The following SEMA3E variants were observed in gnomAD, a reference collection of about 807,000 sequenced individuals.
SEMA3E encodes the protein semaphorin 3E.
Under a neutral mutation model 93.6 loss-of-function variants are expected in SEMA3E, and 49 were observed. The observed-to-expected ratio is 0.52, with a 90% confidence interval of 0.42 to 0.66. SEMA3E has a LOEUF of 0.66. Among genes scored for constraint, SEMA3E ranks in the 30% least tolerant of loss-of-function variants. The probability of loss-of-function intolerance (pLI) is 0.00; values close to 1 mark genes in which losing one functional copy is unlikely to be tolerated. For synonymous variants in SEMA3E, 363 were observed against 330.7 expected, an observed-to-expected ratio of 1.10 and a Z score of -1.06; for missense variants, 906 against 964.8, an observed-to-expected ratio of 0.94 and a Z score of 0.81.
rs1462043890 is a variant in SEMA3E, at chr7:83,648,587, G to T, written c.-45C>A. 6.8e-7 allele frequency: 1 copy of T among 1,477,588 alleles called. No individual in the cohort carries two copies. The highest frequency in any genetic ancestry group is 1.4e-5 in the African/African-American group (1 of 72,168). 91.5% of individuals were successfully genotyped at this position (1,477,588 alleles called of 1,614,324 possible). ...AAGCCCTCGCTCCTCACTTTAAGGA[G>T]GGTCTGAGTTTTACTTAGGACTTCC... is the stretch of plus-strand genomic sequence containing the variant. On this transcript the variant is annotated 5_prime_UTR_variant, in exon 1 of 17. Transcript: ENST00000643230.
rs566830561 is a variant in SEMA3E, at chr7:83,606,451, T to C, written c.115+41977A>G. Among the ~76,000 whole-genome samples, 814 of 151,374 alleles carry C rather than the reference T, an allele frequency of 5.4e-3. 5 individuals are homozygous for C. The highest frequency in any genetic ancestry group is 0.018 in the African/African-American group (753 of 41,134). The stretch of plus-strand genomic sequence containing the variant: ...GCAGCCATAAAAAATGATGAGTTCA[T>C]GTCCTTTGTAGGGACATGGATGAAA... On this transcript the variant is annotated intron_variant, in intron 1 of 16. Transcript: ENST00000643230.
At chr7:83,569,510 C>T (rs773852118) in intron 1 of SEMA3E, among the ~76,000 whole-genome samples, 15 of 152,096 alleles carry the variant, frequency 9.9e-5, no homozygotes, top group Admixed American at 3.3e-4. Context: ...TGTAACAATA[C>T]CCACAAGCTC....
At chr7:83,563,093 T>C (rs1248835266) in intron 1 of SEMA3E, among the ~76,000 whole-genome samples, 1 of 152,202 alleles carries the variant, frequency 6.6e-6, no homozygotes, top group Non-Finnish European at 1.5e-5. Context: ...TGTTTCTGCC[T>C]CTCAGTTCAG....
At chr7:83,590,523 A>C (rs763184173) in intron 1 of SEMA3E, among the ~76,000 whole-genome samples, 4 of 152,180 alleles carry the variant, frequency 2.6e-5, no homozygotes, top group East Asian at 1.9e-4. Flanking sequence ...TAAAAAGTAG[A>C]ATATTGATCA....
chr7:83,623,882 C>T (rs183456630), intron 1 of SEMA3E, among the ~76,000 whole-genome samples: 12 of 151,932 alleles, frequency 7.9e-5, no homozygotes, highest in African/African-American at 2.9e-4. Flanking sequence ...CCTTGCCCCC[C>T]ACCCCCAACA....
intron 4 of SEMA3E, among the ~76,000 whole-genome samples, chr7:83,423,834 T>G (rs1788718617): frequency 6.6e-6 from 1 of 152,098 alleles, no homozygotes; most frequent in Admixed American, 6.6e-5. Flanking sequence ...TAGGGTACAG[T>G]GTATACTGCT....
At chr7:83,625,775 T>A (rs941561038) in intron 1 of SEMA3E, among the ~76,000 whole-genome samples, 1 of 151,944 alleles carries the variant, frequency 6.6e-6, no homozygotes, top group Non-Finnish European at 1.5e-5. Context: ...GTCATCTTTG[T>A]CTTGTGCCGA....
intron 2 of SEMA3E, among the ~76,000 whole-genome samples, chr7:83,485,784 G>T (rs112416414): frequency 0.021 from 3,185 of 152,260 alleles, 115 homozygotes; most frequent in African/African-American, 0.073. Flanking sequence ...GGGAGAAGAC[G>T]AAGGTAGCTG....
At chr7:83,388,033 G>A (rs986600541) in intron 14 of SEMA3E, among the ~76,000 whole-genome samples, 7 of 147,492 alleles carry the variant, frequency 4.7e-5, no homozygotes, top group East Asian at 3.9e-4. Flanking sequence ...AACATTAGCC[G>A]GGCATGGTGG....
chr7:83,462,835 C>T (rs1487121811), intron 4 of SEMA3E, among the ~76,000 whole-genome samples: 3 of 136,400 alleles, frequency 2.2e-5, no homozygotes, highest in African/African-American at 8.1e-5. Context: ...TGCCTGTCCA[C>T]CCCGTGGTGC....
chr7:83,498,060 A>G (rs1790523200), intron 1 of SEMA3E, among the ~76,000 whole-genome samples: 1 of 143,950 alleles, frequency 6.9e-6, no homozygotes, highest in African/African-American at 2.5e-5. Context: ...CTTCTACTTA[A>G]TAAATAGTAA....
chr7:83,632,439 G>T (rs1411289090), intron 1 of SEMA3E, among the ~76,000 whole-genome samples: 1 of 152,072 alleles, frequency 6.6e-6, no homozygotes, highest in African/African-American at 2.4e-5. Context: ...GAATCATGGG[G>T]GCAGTCTTCC....
chr7:83,623,517 A>T (rs73382725), intron 1 of SEMA3E, among the ~76,000 whole-genome samples: 2 of 152,048 alleles, frequency 1.3e-5, no homozygotes, highest in African/African-American at 4.8e-5. Flanking sequence ...AGTATACGTT[A>T]TGATTTTAGG....
intron 4 of SEMA3E, among the ~76,000 whole-genome samples, chr7:83,450,279 A>C (rs575785578): frequency 6.6e-6 from 1 of 152,224 alleles, no homozygotes; most frequent in Non-Finnish European, 1.5e-5. Context: ...TATACTAACT[A>C]AAAACACACC....
chr7:83,555,683 T>G (rs2115818020), intron 1 of SEMA3E, among the ~76,000 whole-genome samples: 1 of 152,328 alleles, frequency 6.6e-6, no homozygotes, highest in East Asian at 1.9e-4. Context: ...ATGCTCCAGC[T>G]TAATTCTTTC....
chr7:83,526,839 C>G (rs1285863218), intron 1 of SEMA3E, among the ~76,000 whole-genome samples: 1 of 152,106 alleles, frequency 6.6e-6, no homozygotes, highest in South Asian at 2.1e-4. Flanking sequence ...ACCAGTTAAA[C>G]CGTGGGAGGG....
At chr7:83,487,099 C>T (rs1453887429) in intron 2 of SEMA3E, among the ~76,000 whole-genome samples, 1 of 151,964 alleles carries the variant, frequency 6.6e-6, no homozygotes, top group African/African-American at 2.4e-5. Flanking sequence ...CATTGAAAGC[C>T]CAGCTTCCTA....
chr7:83,439,013 T>C (rs903530626), intron 4 of SEMA3E, among the ~76,000 whole-genome samples: 1 of 152,174 alleles, frequency 6.6e-6, no homozygotes, highest in African/African-American at 2.4e-5. Flanking sequence ...GGAGCAGGAA[T>C]CAAAATTCTT....
chr7:83,463,519 C>T (rs1442653997), intron 4 of SEMA3E, among the ~76,000 whole-genome samples: 1 of 152,174 alleles, frequency 6.6e-6, no homozygotes, highest in Non-Finnish European at 1.5e-5. Context: ...TTCAATCCGG[C>T]CTCCCACATT....
Sources: allele counts gnomAD v4.1 joint callset (sites outside exome capture counted in the v4.1 genomes callset), GRCh38; gene constraint gnomAD v4.1.1; transcripts MANE v1.5; gene names NCBI Gene and HGNC (gene_info 2026-07-23, HGNC 2026-07-21).